The following SLC5A9 variants were observed in gnomAD, a reference collection of about 807,000 sequenced individuals.
SLC5A9 encodes sodium/glucose cotransporter 4.
Under a neutral mutation model 70.9 loss-of-function variants are expected in SLC5A9, and 59 were observed. The observed-to-expected ratio is 0.83, with a 90% CI of 0.68 to 1.03. SLC5A9 has a LOEUF of 1.03. SLC5A9 is among the 50% of genes least tolerant of loss of function. The pLI, the probability that SLC5A9 is intolerant of heterozygous loss-of-function variation, is 0.00. For missense variants in SLC5A9, 832 were observed against 881.1 expected, an observed-to-expected ratio of 0.94 and a Z score of 0.71; for synonymous variants, 340 against 346.5, an observed-to-expected ratio of 0.98 and a Z score of 0.21.
chr1:48,242,406 A>T (rs771895426), intron 12 of SLC5A9, 51 bp from the exon 13 acceptor site: 2 of 1,536,142 alleles, frequency 1.3e-6, no homozygotes, highest in Non-Finnish European at 1.8e-6. Flanking sequence ...GTTCTTCTAC[A>T]GCATGACTTC....
intron 2 of SLC5A9, among the ~76,000 whole-genome samples, chr1:48,227,429 AGAGT>A (rs1251659341): frequency 7.0e-5 from 2 of 28,516 alleles, no homozygotes; most frequent in Admixed American, 4.7e-4. Flanking sequence ...CATGTGTGTC[AGAGT>A]GTGTGTGTGT....
chr1:48,245,572 G>T (rs1287682672), intron 13 of SLC5A9, among the ~76,000 whole-genome samples: 1 of 152,020 alleles, frequency 6.6e-6, no homozygotes, highest in Non-Finnish European at 1.5e-5. Context: ...TCCCTGCCCA[G>T]AGAAACAAAC....
chr1:48,247,948 C>T lies in SLC5A9; in HGVS notation c.*405C>T, dbSNP rs141804244. On this transcript the variant is annotated 3_prime_UTR_variant, in exon 14 of 14. Coordinates refer to ENST00000438567, the MANE Select transcript of SLC5A9 (RefSeq NM_001011547.3). The stretch of plus-strand genomic sequence containing the variant: ...TTGCAAAAATCCAAGAGCACCTTTG[C>T]TCCCCCTTATCCTCCTTCCTCTTCC... 8.8e-3 allele frequency: 1,789 copies of T among 203,744 alleles called. 19 individuals carry two copies. Among genetic ancestry groups the T allele is most frequent in the Non-Finnish European group, 0.012 (1,197 of 97,794 alleles). 12.6% of individuals were successfully genotyped at this position (203,744 alleles called of 1,614,324 possible).
intron 13 of SLC5A9, among the ~76,000 whole-genome samples, chr1:48,246,938 T>A (rs1052076914): frequency 6.6e-6 from 1 of 152,242 alleles, no homozygotes; most frequent in Admixed American, 6.5e-5. Context: ...TAGCAGTCTG[T>A]CTGGTTCAAA....
chr1:48,224,719 T>C lies in SLC5A9; in HGVS notation c.163-5T>C. On this transcript the variant is annotated splice_polypyrimidine_tract_variant and splice_region_variant and intron_variant, in intron 1 of 13. Coordinates refer to ENST00000438567, the MANE Select transcript of SLC5A9 (RefSeq NM_001011547.3). ...AAATCCTCATCTCATCTATTTCCTT[T>C]CCAGTCGTCCATCCGTGCAAGTCGA... 1 of 1,614,014 alleles carries C rather than the reference T, an allele frequency of 6.2e-7. No individual in the cohort carries two copies. The highest frequency in any genetic ancestry group is 8.5e-7 in the Non-Finnish European group (1 of 1,179,938).
chr1:48,238,530 C>T (rs1358890665), intron 11 of SLC5A9: 1 of 152,196 alleles, frequency 6.6e-6, no homozygotes, highest in Non-Finnish European at 1.5e-5. Flanking sequence ...GCTGGCTGTA[C>T]CTTGAGAAGC....
At chr1:48,231,442 G>A in intron 5 of SLC5A9, 103 bp from the exon 6 acceptor site, 1 of 1,397,512 alleles carries the variant, frequency 7.2e-7, no homozygotes, top group Non-Finnish European at 9.8e-7. Context: ...TAAGAGGGCT[G>A]TGTGTCTTCT....
At chr1:48,227,628 AGTGT>A (rs767936218) in intron 2 of SLC5A9, among the ~76,000 whole-genome samples, 44 of 146,722 alleles carry the variant, frequency 3.0e-4, no homozygotes, top group Admixed American at 1.5e-3. Flanking sequence ...CATGTGTGAG[AGTGT>A]GTGTGTACTG....
Position 48,248,219 on chromosome 1 carries a change from C to A in SLC5A9, c.*676C>A, listed in dbSNP as rs933847083. The A allele has an allele frequency of 3.3e-5, 5 of 152,874 alleles. No individual in the cohort carries two copies. The highest frequency in any genetic ancestry group is 7.3e-5 in the Non-Finnish European group (5 of 68,602). 9.5% of individuals were successfully genotyped at this position (152,874 alleles called of 1,614,324 possible). ...ATTCTGCCTCTTCCTACTCTCTAAC[C>A]CAAATATGCACAAACTCTCTATGGC... On this transcript the variant is annotated 3_prime_UTR_variant, in exon 14 of 14. Transcript: ENST00000438567.
At chr1:48,230,769 G>A in intron 5 of SLC5A9, 64 bp downstream of exon 5, 1 of 1,228,482 alleles carries the variant, frequency 8.1e-7, no homozygotes, top group South Asian at 1.2e-5. Context: ...GAGAAAGACT[G>A]AAGGAGAGAC....
intron 4 of SLC5A9, among the ~76,000 whole-genome samples, chr1:48,229,882 A>T (rs941030592): frequency 1.3e-5 from 2 of 152,182 alleles, no homozygotes; most frequent in Non-Finnish European, 2.9e-5. Context: ...CTGAAGCTGA[A>T]GTGTGGGTTC....
intron 2 of SLC5A9, among the ~76,000 whole-genome samples, chr1:48,225,736 ACAAT>A (rs1415021597): frequency 6.6e-6 from 1 of 152,032 alleles, no homozygotes; most frequent in East Asian, 1.9e-4. Context: ...ACTCATGCAC[ACAAT>A]CATACTCCTA....
Position 48,232,410 on chromosome 1 carries a change from C to A in SLC5A9, c.941C>A (p.Ala314Asp), listed in dbSNP as rs553288423. ...CTCTCGGCCAAGAGTCTGTCTCATG[C>A]CAAGGGAGGCTCCGTGCTGGGGGGC... Reference protein sequence around the residue: ...RSLSAKSLSHAKGGSVLGGYL... With the variant: ...RSLSAKSLSHDKGGSVLGGYL... The change falls in exon 8 of 14, where the codon GCC becomes GAC. Residue 314 changes from alanine (A) to aspartate (D), a missense_variant. Coordinates refer to ENST00000438567, the MANE Select transcript of SLC5A9 (RefSeq NM_001011547.3). 8.1e-6 allele frequency: 13 copies of A among 1,614,146 alleles called. No individual in the cohort carries two copies. In the East Asian group the frequency reaches 1.3e-4, roughly 17 times the overall value.
intron 12 of SLC5A9, among the ~76,000 whole-genome samples, chr1:48,240,733 C>A (rs1323799571): frequency 6.6e-6 from 1 of 152,152 alleles, no homozygotes; most frequent in Non-Finnish European, 1.5e-5. Context: ...TCCTGTTATC[C>A]TCTAGTTCCT....
At chr1:48,229,527 C>G (rs1248539215) in intron 4 of SLC5A9, 68 bp downstream of exon 4, 1 of 1,580,114 alleles carries the variant, frequency 6.3e-7, no homozygotes, top group Non-Finnish European at 8.6e-7. Flanking sequence ...AGTGCATCAC[C>G]ATGTGCGTGT....
intron 4 of SLC5A9, 189 bp downstream of exon 4, chr1:48,229,648 T>C: frequency 2.4e-6 from 2 of 843,426 alleles, no homozygotes; most frequent in South Asian, 2.1e-5. Context: ...ATGATAAATG[T>C]TTTTGGAGTG....
intron 12 of SLC5A9, chr1:48,240,581 CA>C (rs1223829333): frequency 6.6e-6 from 1 of 152,242 alleles, no homozygotes; most frequent in Non-Finnish European, 1.5e-5. Flanking sequence ...TACAAAAAAG[CA>C]GGGCCTTTCC....
At position 48,239,234 on chromosome 1, in the gene SLC5A9, G is replaced by A. The variant is rs537343513; in HGVS notation, c.1462-88G>A. 5.5e-5 allele frequency: 52 copies of A among 948,402 alleles called. No homozygotes were observed. The highest frequency in any genetic ancestry group is 8.4e-5 in the Non-Finnish European group (52 of 617,032). 58.7% of individuals were successfully genotyped at this position (948,402 alleles called of 1,614,324 possible). On this transcript the variant is annotated intron_variant, in intron 11 of 13. Coordinates refer to ENST00000438567, the MANE Select transcript of SLC5A9 (RefSeq NM_001011547.3). The surrounding 1 kb of genome is among the most constrained non-coding windows in gnomAD (Gnocchi z 4.2). ...TGCCCAACATGGCAATAAACCAGTG[G>A]GAGAGAGATTTGGGGAGAGAGTAGT...
In SLC5A9 at chr1:48,224,796, G is replaced by A. The variant is rs1264228291; in HGVS notation, c.234+1G>A. On this transcript the variant is annotated splice_donor_variant, in intron 2 of 13. Coordinates refer to ENST00000438567, the MANE Select transcript of SLC5A9 (RefSeq NM_001011547.3). LOFTEE classifies it high-confidence loss of function. ...CGGGAGGTCCATGAGCTGGTGGCCA[G>A]TGAGTTGACCCTTCTCAACCACCCC... is the stretch of plus-strand genomic sequence containing the variant. 6.2e-7 allele frequency: 1 copy of A among 1,614,056 alleles called. No homozygotes were observed. Among genetic ancestry groups the A allele is most frequent in the African/African-American group, 1.3e-5 (1 of 75,018 alleles).
Sources: gnomAD v4.1 joint callset for allele counts (sites outside exome capture counted in the v4.1 genomes callset) on GRCh38, gnomAD v4.1.1 for gene constraint, Gnocchi (gnomAD v3.1) non-coding constraint, MANE v1.5 for transcripts, NCBI Gene and HGNC (gene_info 2026-07-23, HGNC 2026-07-21) for gene names.